Variants in MAN2A1 observed in about 807,000 individuals in gnomAD.
The protein encoded by MAN2A1 is mannosidase alpha class 2A member 1.
A neutral mutation model predicts 142.6 loss-of-function variants in MAN2A1; 76 were observed. The observed-to-expected ratio is 0.53, with a 90% confidence interval of 0.44 to 0.65. The LOEUF (loss-of-function observed/expected upper bound fraction) is 0.65, where lower values mean the gene tolerates loss of function less well. Ranked by LOEUF, MAN2A1 falls within the 30% of genes least tolerant of loss-of-function variation. The pLI is 0.00. For missense variants in MAN2A1, 1,311 were observed against 1,365.1 expected (o/e 0.96, Z 0.62); for synonymous variants, 559 against 473.2 (o/e 1.18, Z -2.35).
At chr5:109,810,300 A>T (rs1754281872) in intron 12 of MAN2A1, among the ~76,000 whole-genome samples, 1 of 152,016 alleles carries the variant, frequency 6.6e-6, no homozygotes, top group South Asian at 2.1e-4. Context: ...ATTTAGAGAG[A>T]CTCTAGAAAA....
At chr5:109,770,993 T>C (rs1343382923) in intron 7 of MAN2A1, among the ~76,000 whole-genome samples, 1 of 152,228 alleles carries the variant, frequency 6.6e-6, no homozygotes, top group Non-Finnish European at 1.5e-5. Context: ...TAGTGAATGC[T>C]TCCCAGCTCT....
In MAN2A1 at chr5:109,735,623, G is replaced by C. The variant is rs1752068983; in HGVS notation, c.707+6110G>C. On this transcript the variant is annotated intron_variant, in intron 4 of 21. Coordinates refer to ENST00000261483, the MANE Select transcript of MAN2A1 (RefSeq NM_002372.4). ...AATGCAGAAATCACCCATCTTCTGT[G>C]TTGCTCACACTGGGAGCTGTAGACC... 1.3e-5 allele frequency among the ~76,000 whole-genome samples: 2 copies of C among 152,052 alleles called. 1 individual carries two copies. The highest frequency in any genetic ancestry group is 4.8e-5 in the African/African-American group (2 of 41,404).
At chr5:109,770,614 T>C (rs376589610) in intron 7 of MAN2A1, 73 bp downstream of exon 7, 3 of 1,342,828 alleles carry the variant, frequency 2.2e-6, no homozygotes. Flanking sequence ...GCTGAAGGGT[T>C]GAACAAATGG....
In MAN2A1 at chr5:109,797,430, A is replaced by G. The variant is rs371435789; in HGVS notation, c.1943+7903A>G. ...ATTGTTGGAGGGGCAATAACAGACC[A>G]TCTTCACTAGTGATGCTGAAGAGTA... On this transcript the variant is annotated intron_variant, in intron 12 of 21. Transcript: ENST00000261483. 2.0e-5 allele frequency among the ~76,000 whole-genome samples: 3 copies of G among 152,294 alleles called. No individual in the cohort carries two copies. In the East Asian group the frequency reaches 5.8e-4, roughly 29 times the overall value.
chr5:109,768,058 T>C (rs912984048), intron 6 of MAN2A1, among the ~76,000 whole-genome samples: 1 of 152,206 alleles, frequency 6.6e-6, no homozygotes, highest in Non-Finnish European at 1.5e-5. Flanking sequence ...ATATATCTTA[T>C]ATTCAGCCAG....
At chr5:109,817,055 A>G (rs1754480513) in intron 12 of MAN2A1, among the ~76,000 whole-genome samples, 1 of 152,108 alleles carries the variant, frequency 6.6e-6, no homozygotes, top group South Asian at 2.1e-4. Context: ...ACTCCCAGCT[A>G]CTCAGGAGAC....
chr5:109,759,469 C>T (rs1438923471), intron 5 of MAN2A1, among the ~76,000 whole-genome samples: 1 of 152,072 alleles, frequency 6.6e-6, no homozygotes, highest in Non-Finnish European at 1.5e-5. Flanking sequence ...TGTTGGTAAT[C>T]CATTTCCTTT....
At chr5:109,706,919 G>C (rs1338724376) in intron 1 of MAN2A1, among the ~76,000 whole-genome samples, 2 of 152,130 alleles carry the variant, frequency 1.3e-5, no homozygotes, top group African/African-American at 4.8e-5. Flanking sequence ...GTTGAGTGCA[G>C]ATCTTATATC....
intron 5 of MAN2A1, among the ~76,000 whole-genome samples, chr5:109,760,923 AT>A (rs892524473): frequency 6.6e-6 from 1 of 151,852 alleles, no homozygotes; most frequent in African/African-American, 2.4e-5. Context: ...CTTTTTTAAA[AT>A]TTGTAGATAT....
intron 4 of MAN2A1, among the ~76,000 whole-genome samples, chr5:109,739,168 A>T (rs897097653): frequency 2.0e-5 from 3 of 151,112 alleles, no homozygotes. Context: ...TTTAACTGTA[A>T]TTTTTTTTTC....
intron 4 of MAN2A1, among the ~76,000 whole-genome samples, chr5:109,743,902 G>T (rs188149542): frequency 6.6e-6 from 1 of 152,026 alleles, no homozygotes; most frequent in Non-Finnish European, 1.5e-5. Flanking sequence ...GATTCCTCCC[G>T]ACTTGCTCAT....
chr5:109,783,945 G>A (rs533295579), intron 9 of MAN2A1, among the ~76,000 whole-genome samples: 3 of 151,776 alleles, frequency 2.0e-5, no homozygotes, highest in East Asian at 3.9e-4. Flanking sequence ...AGTTCACTGC[G>A]GCCTCAAACT....
chr5:109,781,216 G>A (rs1753446921), intron 8 of MAN2A1, among the ~76,000 whole-genome samples, 180 bp from the exon 9 acceptor site: 2 of 151,640 alleles, frequency 1.3e-5, no homozygotes, highest in African/African-American at 4.8e-5. Flanking sequence ...CTTAATGTAA[G>A]TAAAAAAAAA....
At chr5:109,779,529 G>T (rs987210652) in intron 8 of MAN2A1, among the ~76,000 whole-genome samples, 2 of 150,552 alleles carry the variant, frequency 1.3e-5, no homozygotes, top group Non-Finnish European at 2.9e-5. Context: ...TTCTATTCGT[G>T]ACTCATTTCT....
chr5:109,799,892 A>T (rs900985182), intron 12 of MAN2A1, among the ~76,000 whole-genome samples: 17 of 152,270 alleles, frequency 1.1e-4, no homozygotes, highest in African/African-American at 4.1e-4. Flanking sequence ...GTTTGAGACC[A>T]GCCTGGCCAA....
intron 1 of MAN2A1, among the ~76,000 whole-genome samples, chr5:109,709,466 AC>A (rs757591924): frequency 2.0e-5 from 3 of 152,198 alleles, no homozygotes; most frequent in Non-Finnish European, 4.4e-5. Context: ...GGAAAGGCAC[AC>A]AGTTTTCCAG....
intron 16 of MAN2A1, among the ~76,000 whole-genome samples, chr5:109,830,748 A>G (rs2112741223): frequency 6.6e-6 from 1 of 152,356 alleles, no homozygotes; most frequent in Non-Finnish European, 1.5e-5. Context: ...TATGCAATTG[A>G]CTGCTAAGGA....
At chr5:109,697,422 G>A (rs1278370251) in intron 1 of MAN2A1, among the ~76,000 whole-genome samples, 1 of 152,174 alleles carries the variant, frequency 6.6e-6, no homozygotes, top group Non-Finnish European at 1.5e-5. Flanking sequence ...GGAGGTTAGG[G>A]AAAGAATGAA....
At chr5:109,817,532 A>G (rs949998156) in intron 13 of MAN2A1, 94 bp downstream of exon 13, 8 of 1,208,710 alleles carry the variant, frequency 6.6e-6, no homozygotes, top group African/African-American at 3.0e-5. Context: ...TTTAGCCATC[A>G]TGTTGGTGTA....
Sources: allele counts gnomAD v4.1 joint callset (sites outside exome capture counted in the v4.1 genomes callset), GRCh38; gene constraint gnomAD v4.1.1; transcripts MANE v1.5; gene names NCBI Gene and HGNC (gene_info 2026-07-23, HGNC 2026-07-21).